Variants in RBFOX3 observed in about 807,000 individuals in gnomAD.
RBFOX3 encodes the protein RNA binding protein fox-1 homolog 3.
In RBFOX3, 17 loss-of-function variants were observed where a neutral mutation model predicts 48.7. That is an observed-to-expected ratio of 0.35 (90% CI 0.24 to 0.52). The LOEUF (loss-of-function observed/expected upper bound fraction) is 0.52. RBFOX3 is among the 20% of genes least tolerant of loss of function. The probability of loss-of-function intolerance (pLI) is 0.94; values close to 1 mark genes in which losing one functional copy is unlikely to be tolerated. For synonymous variants in RBFOX3, 212 were observed against 209.5 expected (o/e 1.01, Z -0.10); for missense variants, 382 against 497.5 (o/e 0.77, Z 2.21).
intron 2 of RBFOX3, among the ~76,000 whole-genome samples, chr17:79,406,163 G>A (rs1299516141): frequency 6.6e-6 from 1 of 152,194 alleles, no homozygotes; most frequent in Non-Finnish European, 1.5e-5. Flanking sequence ...TGTCTGTGTT[G>A]TTCAGCTACA....
intron 3 of RBFOX3, among the ~76,000 whole-genome samples, chr17:79,238,209 T>C (rs1321448498): frequency 6.6e-6 from 1 of 152,222 alleles, no homozygotes; most frequent in Non-Finnish European, 1.5e-5. Context: ...AGTGCTGGGA[T>C]TACAGGTGTG....
At chr17:79,210,369 G>A (rs1013606224) in intron 4 of RBFOX3, among the ~76,000 whole-genome samples, 1 of 152,236 alleles carries the variant, frequency 6.6e-6, no homozygotes, top group African/African-American at 2.4e-5. Flanking sequence ...TTTTCACCTC[G>A]CTGTAATCAG....
chr17:79,533,140 A>C (rs1555787874), intron 1 of RBFOX3, among the ~76,000 whole-genome samples: 1 of 152,228 alleles, frequency 6.6e-6, no homozygotes, highest in Non-Finnish European at 1.5e-5. Flanking sequence ...AAGCTTGGAG[A>C]AGTTCCTAAG....
intron 1 of RBFOX3, among the ~76,000 whole-genome samples, chr17:79,537,609 G>A (rs60042948): frequency 3.1e-4 from 47 of 152,154 alleles, no homozygotes; most frequent in African/African-American, 1.1e-3. Flanking sequence ...TAGAACCCCC[G>A]CCCACAGGTC....
At chr17:79,634,404 C>T in the RBFOX3 span, among the ~76,000 whole-genome samples, 1 of 152,190 alleles carries the variant, frequency 6.6e-6, no homozygotes, top group African/African-American at 2.4e-5. Context: ...CCCTGCTGTC[C>T]TCAAGACAGG....
chr17:79,157,722 C>T (rs2046133958), intron 4 of RBFOX3, among the ~76,000 whole-genome samples: 1 of 152,212 alleles, frequency 6.6e-6, no homozygotes, highest in South Asian at 2.1e-4. Flanking sequence ...GCTGTCCCCA[C>T]CACCACCTCT....
At chr17:79,365,145 A>ACT (rs929665672) in intron 2 of RBFOX3, among the ~76,000 whole-genome samples, 9 of 151,106 alleles carry the variant, frequency 6.0e-5, no homozygotes, top group African/African-American at 1.7e-4. Flanking sequence ...ACACACACAC[A>ACT]CTCTCTCATG....
At chr17:79,186,430 G>T (rs543660176) in intron 4 of RBFOX3, among the ~76,000 whole-genome samples, 1 of 152,214 alleles carries the variant, frequency 6.6e-6, no homozygotes, top group East Asian at 1.9e-4. Context: ...GGACCCCACC[G>T]GCAGGAACCA....
intron 2 of RBFOX3, among the ~76,000 whole-genome samples, chr17:79,442,302 AGGGAGAGAGAGGGAGTGAGGGAGG>A (rs2071192533): frequency 7.8e-5 from 1 of 12,814 alleles, no homozygotes; most frequent in Non-Finnish European, 1.6e-4. Context: ...AGGGAGAGAG[AGGGAGAGAGAGGGAGTGAGGGAGG>A]GAGAGAGAGG....
At chr17:79,601,856 G>A (rs1036521505) in intron 1 of RBFOX3, 1 of 152,154 alleles carries the variant, frequency 6.6e-6, no homozygotes, top group Non-Finnish European at 1.5e-5. Context: ...AGGCGGGGAG[G>A]TACCCATGCG....
At chr17:79,161,479 T>C (rs1220755447) in intron 4 of RBFOX3, among the ~76,000 whole-genome samples, 1 of 152,236 alleles carries the variant, frequency 6.6e-6, no homozygotes, top group Admixed American at 6.5e-5. Flanking sequence ...ACAATGCGTC[T>C]TCCTGCAACT....
intron 8 of RBFOX3, among the ~76,000 whole-genome samples, chr17:79,102,142 G>A (rs542721290): frequency 9.8e-5 from 15 of 152,368 alleles, no homozygotes; most frequent in Non-Finnish European, 2.1e-4. Context: ...GATGGGGCCC[G>A]TGTGCCCCTG....
chr17:79,417,471 A>G (rs2065564560), intron 2 of RBFOX3, among the ~76,000 whole-genome samples: 1 of 152,218 alleles, frequency 6.6e-6, no homozygotes, highest in Non-Finnish European at 1.5e-5. Context: ...TTTCTTTCTC[A>G]GAGGAACATG....
intron 1 of RBFOX3, among the ~76,000 whole-genome samples, chr17:79,583,932 C>T (rs1442359819): frequency 1.3e-5 from 2 of 151,980 alleles, no homozygotes; most frequent in African/African-American, 2.4e-5. Context: ...GCCTAGAAAG[C>T]GGACATGGCG....
chr17:79,166,412 G>A (rs1396098734), intron 4 of RBFOX3, among the ~76,000 whole-genome samples: 1 of 152,200 alleles, frequency 6.6e-6, no homozygotes, highest in Non-Finnish European at 1.5e-5. Flanking sequence ...AATGGCCGGA[G>A]GGGATGATGT....
At chr17:79,467,346 G>A (rs1312679076) in intron 2 of RBFOX3, among the ~76,000 whole-genome samples, 5 of 152,330 alleles carry the variant, frequency 3.3e-5, no homozygotes, top group African/African-American at 1.2e-4. Flanking sequence ...GAAGTGGGTG[G>A]AGATGAGGGC....
intron 1 of RBFOX3, among the ~76,000 whole-genome samples, chr17:79,490,013 A>G (rs1208337279): frequency 1.3e-5 from 2 of 152,260 alleles, no homozygotes; most frequent in African/African-American, 4.8e-5. Flanking sequence ...TAAAGATTAT[A>G]GGGAATATAC....
At chr17:79,169,867 G>A (rs926607168) in intron 4 of RBFOX3, among the ~76,000 whole-genome samples, 1 of 151,912 alleles carries the variant, frequency 6.6e-6, no homozygotes, top group African/African-American at 2.4e-5. Flanking sequence ...TAAATGTTAC[G>A]ATACGTAAAG....
At chr17:79,356,360 T>TTTTTTTTTTTTTTTTTTG in intron 2 of RBFOX3, among the ~76,000 whole-genome samples, 6 of 68,268 alleles carry the variant, frequency 8.8e-5, no homozygotes, top group African/African-American at 3.1e-4. Context: ...TTTTTTTTTT[T>TTTTTTTTTTTTTTTTTTG]TTTTTTTTTT....
Sources: gnomAD v4.1 joint callset for allele counts (sites outside exome capture counted in the v4.1 genomes callset) on GRCh38, gnomAD v4.1.1 for gene constraint, MANE v1.5 for transcripts, NCBI Gene and HGNC (gene_info 2026-07-23, HGNC 2026-07-21) for gene names.